The following DOCK1 variants were observed in gnomAD, a reference collection of about 807,000 sequenced individuals.
DOCK1 encodes the protein dedicator of cytokinesis protein 1.
In DOCK1, 138 loss-of-function variants were observed where a neutral mutation model predicts 262.7. That is an observed-to-expected ratio of 0.53 (90% CI 0.46 to 0.61). The LOEUF (loss-of-function observed/expected upper bound fraction) is 0.61, where lower values mean the gene tolerates loss of function less well. Among genes scored for constraint, DOCK1 ranks in the 20% least tolerant of loss-of-function variants. The pLI is 0.00. For missense variants in DOCK1, 1,908 were observed against 2,370.7 expected (o/e 0.80, Z 4.05); for synonymous variants, 866 against 867.4 (o/e 1.00, Z 0.03).
intron 29 of DOCK1, among the ~76,000 whole-genome samples, chr10:127,288,288 G>A (rs1323705551): frequency 6.6e-6 from 1 of 152,064 alleles, no homozygotes; most frequent in African/African-American, 2.4e-5. Context: ...TTTTTGATGT[G>A]ACAAAATATC....
chr10:127,008,414 C>T (rs1181867723), intron 10 of DOCK1, among the ~76,000 whole-genome samples: 2 of 152,128 alleles, frequency 1.3e-5, no homozygotes, highest in African/African-American at 2.4e-5. Context: ...TTCACATTTT[C>T]GTTGCTTGTT....
intron 35 of DOCK1, 79 bp downstream of exon 35, chr10:127,374,293 C>G (rs910839280): frequency 1.4e-6 from 2 of 1,470,042 alleles, no homozygotes; most frequent in African/African-American, 2.8e-5. Context: ...CAGCCCTTAT[C>G]TATGACAGTC....
At chr10:127,034,163 A>G (rs900609794) in intron 18 of DOCK1, among the ~76,000 whole-genome samples, 4 of 152,248 alleles carry the variant, frequency 2.6e-5, no homozygotes, top group Non-Finnish European at 5.9e-5. Flanking sequence ...GCTGATAAAG[A>G]CATACCTGAG....
intron 33 of DOCK1, among the ~76,000 whole-genome samples, chr10:127,362,948 TACACATGTGCATC>T (rs1565027082): frequency 2.4e-3 from 22 of 9,198 alleles, no homozygotes; most frequent in African/African-American, 0.011. Flanking sequence ...CCCACACACA[TACACATGTGCATC>T]CCCACATACA....
chr10:126,992,767 CAG>C (rs1565039761), intron 6 of DOCK1, among the ~76,000 whole-genome samples: 1 of 143,304 alleles, frequency 7.0e-6, no homozygotes, highest in Non-Finnish European at 1.5e-5. Context: ...CACACACAGA[CAG>C]ACACAGACAC....
chr10:127,029,702 A>G (rs913486332), intron 16 of DOCK1, among the ~76,000 whole-genome samples: 19 of 152,256 alleles, frequency 1.2e-4, no homozygotes, highest in African/African-American at 4.3e-4. Context: ...GCTAGTGAGC[A>G]TGCAGTAAAA....
intron 21 of DOCK1, among the ~76,000 whole-genome samples, chr10:127,044,756 C>T (rs751321768): frequency 3.6e-4 from 55 of 152,334 alleles, no homozygotes; most frequent in Non-Finnish European, 7.2e-4. Context: ...TTGGCGCCAG[C>T]CTTTCCATGC....
chr10:126,905,647 C>G (rs1564973333), intron 1 of DOCK1, 84 bp downstream of exon 1: 2 of 205,790 alleles, frequency 9.7e-6, no homozygotes, highest in Non-Finnish European at 1.9e-5. Context: ...GTTGCCGCCG[C>G]CCCGAGCGGC....
At chr10:127,387,889 A>G (rs1207396431) in intron 38 of DOCK1, among the ~76,000 whole-genome samples, 1 of 150,950 alleles carries the variant, frequency 6.6e-6, no homozygotes, top group African/African-American at 2.4e-5. Context: ...GTAGCCAAAT[A>G]TCTTTTCCTA....
At chr10:126,964,859 C>T (rs2037540244) in intron 1 of DOCK1, among the ~76,000 whole-genome samples, 2 of 152,228 alleles carry the variant, frequency 1.3e-5, no homozygotes, top group South Asian at 2.1e-4. Context: ...GATTAAGTCT[C>T]AGCCTCTGTA....
chr10:127,433,956 G>C (rs1254028288), intron 48 of DOCK1, among the ~76,000 whole-genome samples: 1 of 151,862 alleles, frequency 6.6e-6, no homozygotes, highest in African/African-American at 2.4e-5. Flanking sequence ...GGCACCCCTG[G>C]GAAAAAGCAA....
chr10:127,377,192 G>A (rs1467210907), intron 35 of DOCK1, among the ~76,000 whole-genome samples: 1 of 152,058 alleles, frequency 6.6e-6, no homozygotes, highest in African/African-American at 2.4e-5. Context: ...ATAAATCTGT[G>A]GAATAAAGGG....
chr10:127,210,404 T>C (rs1160662160), intron 27 of DOCK1, among the ~76,000 whole-genome samples: 1 of 152,164 alleles, frequency 6.6e-6, no homozygotes, highest in Non-Finnish European at 1.5e-5. Flanking sequence ...CCTGAGAATT[T>C]CTTCTGCAGG....
At chr10:127,447,344 A>C (rs2070641510) in intron 50 of DOCK1, 50 bp from the exon 51 acceptor site, 1 of 1,580,152 alleles carries the variant, frequency 6.3e-7, no homozygotes, top group Non-Finnish European at 8.6e-7. Flanking sequence ...CTGAGCATTC[A>C]GGCTCCGTGG....
chr10:127,394,429 G>T (rs906186130), intron 38 of DOCK1, among the ~76,000 whole-genome samples: 1 of 150,120 alleles, frequency 6.7e-6, no homozygotes, highest in Admixed American at 6.6e-5. Flanking sequence ...TCCATTTTTG[G>T]TCAAATGTTT....
chr10:127,261,207 C>T (rs1402708409), intron 29 of DOCK1, among the ~76,000 whole-genome samples: 1 of 42,324 alleles, frequency 2.4e-5, no homozygotes, highest in Non-Finnish European at 4.8e-5. Context: ...GTGTGTGTAC[C>T]TGCATGTGTG....
rs574094202 is a variant in DOCK1 at position 127,188,662 on chromosome 10, T to G, written c.2848-59346T>G. ...GGCTTTGAGACCACCTGCTTGGATT[T>G]GAGTTCTGGCCCTTCCCCTCCACTT... On this transcript the variant is annotated intron_variant, in intron 27 of 51. Transcript: ENST00000623213. Among the ~76,000 whole-genome samples, 6 of 152,330 alleles carry G rather than the reference T, an allele frequency of 3.9e-5. No homozygotes were observed. The East Asian group carries it at 9.7e-4, about 25-fold the overall frequency.
intron 37 of DOCK1, among the ~76,000 whole-genome samples, chr10:127,384,352 A>G (rs1016863867): frequency 6.6e-6 from 1 of 152,152 alleles, no homozygotes; most frequent in African/African-American, 2.4e-5. Context: ...AAGGAGCTTG[A>G]CAGCCTTTCT....
At chr10:126,942,659 C>A (rs2035110619) in intron 1 of DOCK1, among the ~76,000 whole-genome samples, 3 of 152,272 alleles carry the variant, frequency 2.0e-5, no homozygotes, top group African/African-American at 7.2e-5. Context: ...ATCTGCGATG[C>A]AGCAGAGTTC....
Sources: gnomAD v4.1 joint callset for allele counts (sites outside exome capture counted in the v4.1 genomes callset) on GRCh38, gnomAD v4.1.1 for gene constraint, MANE v1.5 for transcripts, NCBI Gene and HGNC (gene_info 2026-07-23, HGNC 2026-07-21) for gene names.